The following PIGZ variants were observed in gnomAD, a reference collection of about 807,000 sequenced individuals.
The protein encoded by PIGZ is phosphatidylinositol glycan anchor biosynthesis class Z (Gwada blood group).
PIGZ carries 16 observed loss-of-function variants against 16.4 expected under a neutral mutation model. The ratio of observed to expected loss-of-function variants is 0.97; its 90% CI spans 0.66 to 1.48. PIGZ has a LOEUF of 1.48. PIGZ is among the 40% of genes most tolerant of loss of function. The pLI, the probability that PIGZ is intolerant of heterozygous loss-of-function variation, is 0.00. For synonymous variants in PIGZ, 409 were observed against 338.4 expected (o/e 1.21, Z -2.29); for missense variants, 770 against 739.2 (o/e 1.04, Z -0.48).
intron 1 of PIGZ, among the ~76,000 whole-genome samples, chr3:196,957,491 T>A (rs1717543370): frequency 6.6e-6 from 1 of 151,846 alleles, no homozygotes; most frequent in African/African-American, 2.4e-5. Flanking sequence ...CAAGCAATTC[T>A]CCTGCCTCAG....
chr3:196,948,072 C>G lies in PIGZ; in HGVS notation c.825G>C (p.Thr275=). 1 of 1,587,694 alleles carries G rather than the reference C, an allele frequency of 6.3e-7. No homozygotes were observed. Among genetic ancestry groups the G allele is most frequent in the Non-Finnish European group, 8.6e-7 (1 of 1,163,902 alleles). Residue 275 remains threonine (T), a synonymous_variant, in exon 3 of 3, where the codon ACG becomes ACC. Coordinates refer to ENST00000412723, the MANE Select transcript of PIGZ (RefSeq NM_025163.4). The stretch of plus-strand genomic sequence containing the variant: ...CGGGGCTGGAGAAATACCAGCTGTC[C>G]GTGGCCACAAACACCGCTGCTGTGA... ...AALTAAVFVA[T]DSWYFSSPAT...
rs146573075 is a variant in PIGZ at position 196,951,705 on chromosome 3, T to C, written c.211+116A>G. On this transcript the variant is annotated intron_variant, in intron 2 of 2. Transcript: ENST00000412723. The stretch of plus-strand genomic sequence containing the variant: ...CCAGAGAGAGAGGCTGCTGCTCTGC[T>C]TGTGGATTTACTACTCATCTACCCA... 1,709 of 958,776 alleles carry C rather than the reference T, an allele frequency of 1.8e-3. 3 individuals are homozygous for C. Among genetic ancestry groups the C allele is most frequent in the Middle Eastern group, 8.8e-3 (28 of 3,196 alleles). 59.4% of individuals were successfully genotyped at this position (958,776 alleles called of 1,614,324 possible).
In PIGZ at chr3:196,947,023, C is replaced by T. The variant is rs753566006; in HGVS notation, c.*134G>A. ...AAGGCAGAACAGCTAACAGCCATGC[C>T]CAGGAGAGGCAGCAGTGGGAGTCAT... On this transcript the variant is annotated 3_prime_UTR_variant, in exon 3 of 3. Coordinates refer to ENST00000412723, the MANE Select transcript of PIGZ (RefSeq NM_025163.4). The T allele has an allele frequency of 2.0e-4, 146 of 731,578 alleles. No individual in the cohort carries two copies. Among genetic ancestry groups the T allele is most frequent in the Non-Finnish European group, 2.8e-4 (131 of 460,844 alleles). The allele number at this position is 731,578 out of a possible 1,614,324, so 45.3% of individuals were successfully genotyped here.
rs1442082048 is a variant in PIGZ at position 196,965,659 on chromosome 3, G to A, written c.-1+3028C>T. Among the ~76,000 whole-genome samples, 1 of 152,118 alleles carries A rather than the reference G, an allele frequency of 6.6e-6. No homozygotes were observed. Among genetic ancestry groups the A allele is most frequent in the African/African-American group, 2.4e-5 (1 of 41,418 alleles). ...AGTCCAGGTATGCTGTGACTGGTGT[G>A]CATGTACCTGGGATTTCTTAGCCTT... On this transcript the variant is annotated intron_variant, in intron 1 of 2. Coordinates refer to ENST00000412723, the MANE Select transcript of PIGZ (RefSeq NM_025163.4). This position sits in a 1 kb window ranked among gnomAD's most constrained non-coding sequence, Gnocchi z 4.2.
At chr3:196,952,081 T>C (rs761214758) in intron 1 of PIGZ, 50 bp from the exon 2 acceptor site, 5 of 1,506,398 alleles carry the variant, frequency 3.3e-6, no homozygotes, top group Non-Finnish European at 4.5e-6. Flanking sequence ...TATAATATAT[T>C]CAACTGTCTG....
chr3:196,947,603 G>A lies in PIGZ; in HGVS notation c.1294C>T (p.Gln432Ter). 1 of 1,613,680 alleles carries A rather than the reference G, an allele frequency of 6.2e-7. No individual in the cohort carries two copies. Among genetic ancestry groups the A allele is most frequent in the Non-Finnish European group, 8.5e-7 (1 of 1,179,788 alleles). Reference sequence around the variant, plus strand: ...TCCAGGCCAGGCACCAGGCCCCCCTGATGCAGGCAGCCGAAGAGGAGGGCA... The same window carrying A: ...TCCAGGCCAGGCACCAGGCCCCCCTAATGCAGGCAGCCGAAGAGGAGGGCA... ...LGALLFGCLH[Q>*]GGLVPGLEYL... The change falls in exon 3 of 3, where the codon CAG becomes TAG. Residue 432 changes from glutamine (Q) to a stop codon, truncating the protein, a stop_gained. Coordinates refer to ENST00000412723, the MANE Select transcript of PIGZ (RefSeq NM_025163.4). LOFTEE classifies it high-confidence loss of function.
At chr3:196,966,229 C>T (rs1056878011) in intron 1 of PIGZ, among the ~76,000 whole-genome samples, 3 of 152,216 alleles carry the variant, frequency 2.0e-5, no homozygotes, top group African/African-American at 4.8e-5. Flanking sequence ...CGGTTCAAGT[C>T]GTTGCTCTCT....
chr3:196,949,049 TTCCCTTCCTTCC>T, intron 2 of PIGZ, among the ~76,000 whole-genome samples: 1 of 23,088 alleles, frequency 4.3e-5, no homozygotes, highest in Non-Finnish European at 6.5e-5. Flanking sequence ...CTTCCTTCCC[TTCCCTTCCTTCC>T]CCTTCCTTCG....
intron 2 of PIGZ, 155 bp downstream of exon 2, chr3:196,951,666 T>C: frequency 2.8e-6 from 2 of 708,438 alleles, no homozygotes; most frequent in Non-Finnish European, 4.8e-6. Context: ...AGTCCCCACT[T>C]CCAAGTTCTT....
At chr3:196,960,950 C>T (rs988345927) in intron 1 of PIGZ, among the ~76,000 whole-genome samples, 8 of 151,990 alleles carry the variant, frequency 5.3e-5, no homozygotes, top group East Asian at 1.9e-4. Flanking sequence ...AGTTCTGAGA[C>T]GGAAGTAGGA....
chr3:196,947,453 C>G lies in PIGZ; in HGVS notation c.1444G>C (p.Val482Leu). The G allele has an allele frequency of 6.2e-7, 1 of 1,613,618 alleles. No homozygotes were observed. The highest frequency in any genetic ancestry group is 2.2e-5 in the East Asian group (1 of 44,882). ...LLHLPGLGAP[V>L]EVVDMGGTED... ...GTCCCCCCCATGTCCACCACCTCCA[C>G]TGGTGCCCCCAGGCCTGGGAGGTGT... The change falls in exon 3 of 3, where the codon GTG becomes CTG. Residue 482 changes from valine to leucine, a missense_variant. Coordinates refer to ENST00000412723, the MANE Select transcript of PIGZ (RefSeq NM_025163.4).
intron 2 of PIGZ, among the ~76,000 whole-genome samples, chr3:196,949,019 CCCTTCCCTTCCTTCCCTTCCTT>C (rs1167073967): frequency 1.4e-4 from 9 of 62,390 alleles, no homozygotes; most frequent in African/African-American, 5.9e-4. Flanking sequence ...TCCCTCCCCT[CCCTTCCCTTCCTTCCCTTCCTT>C]CCTTCCCTTC....
In PIGZ at chr3:196,947,229, C is replaced by G. The variant is rs138574532; in HGVS notation, c.1668G>C (p.Leu556=). Residue 556 remains leucine (L), a synonymous_variant, in exon 3 of 3, where the codon CTG becomes CTC. Coordinates refer to ENST00000412723, the MANE Select transcript of PIGZ (RefSeq NM_025163.4). ...TCCAAGCCCCACTCAGCAAGGAGGACAGGGCTGGTGGATCCTCCAGGGTCA... is the reference window on the plus strand; with the variant it reads ...TCCAAGCCCCACTCAGCAAGGAGGAGAGGGCTGGTGGATCCTCCAGGGTCA... ...PHLTLEDPPA[L]SSLLSGAWRD... 40 of 1,608,182 alleles carry G rather than the reference C, an allele frequency of 2.5e-5. No homozygotes were observed. Among genetic ancestry groups the G allele is most frequent in the African/African-American group, 4.0e-5 (3 of 74,914 alleles).
In PIGZ at chr3:196,947,488, C is replaced by T. The variant is rs147904272; in HGVS notation, c.1409G>A (p.Arg470Gln). 32 of 1,613,330 alleles carry T rather than the reference C, an allele frequency of 2.0e-5. No homozygotes were observed. In the African/African-American group the frequency reaches 2.1e-4, roughly 11 times the overall value. The change falls in exon 3 of 3, where the codon CGG (arginine) becomes CAG (glutamine). Residue 470 changes from arginine to glutamine, a missense_variant. Coordinates refer to ENST00000412723, the MANE Select transcript of PIGZ (RefSeq NM_025163.4). ...CAGGCCTGGGAGGTGTAGGAGGTGC[C>T]GGGGGGGCATGTAGGTGTGAGTGAA... ...LLFTHTYMPP[R>Q]HLLHLPGLGA...
At chr3:196,958,525 G>A (rs966927572) in intron 1 of PIGZ, among the ~76,000 whole-genome samples, 6 of 152,238 alleles carry the variant, frequency 3.9e-5, no homozygotes, top group Non-Finnish European at 8.8e-5. Flanking sequence ...CAGCTACTGG[G>A]GAAGCTGAGG....
chr3:196,962,667 C>T (rs373116194), intron 1 of PIGZ, among the ~76,000 whole-genome samples: 1 of 131,192 alleles, frequency 7.6e-6, no homozygotes, highest in East Asian at 1.9e-4. Flanking sequence ...TACTGCACGG[C>T]AATACTGATC....
Position 196,947,868 on chromosome 3 carries a change from G to A in PIGZ, c.1029C>T (p.Val343=), listed in dbSNP as rs372509932. The A allele has an allele frequency of 2.8e-5, 45 of 1,613,766 alleles. No homozygotes were observed. Among genetic ancestry groups the A allele is most frequent in the Middle Eastern group, 3.3e-4 (2 of 6,080 alleles). ...ALQAAWQRLQ[V]GLQASAQMGL... is the part of the protein sequence containing the mutation. ...CCATTTGTGCAGAGGCCTGGAGGCCGACTTGCAGCCGTTGCCACGCAGCCT... is the reference window on the plus strand; with the variant it reads ...CCATTTGTGCAGAGGCCTGGAGGCCAACTTGCAGCCGTTGCCACGCAGCCT... The change falls in exon 3 of 3, where the codon GTC becomes GTT. Residue 343 remains valine (V), a synonymous_variant. Coordinates refer to ENST00000412723, the MANE Select transcript of PIGZ (RefSeq NM_025163.4).
intron 1 of PIGZ, among the ~76,000 whole-genome samples, chr3:196,966,326 T>G (rs1254709634): frequency 1.3e-5 from 2 of 152,248 alleles, no homozygotes; most frequent in Non-Finnish European, 2.9e-5. Context: ...TCAGGGCTGT[T>G]GTGAAGATGA....
rs200505525 is a variant in PIGZ at position 196,948,399 on chromosome 3, G to A, written c.498C>T (p.Tyr166=). ...WNALALLSGS[Y]VTLVFYTRTF... is the part of the protein sequence containing the mutation. The stretch of plus-strand genomic sequence containing the variant: ...TCCTTGTGTAGAAGACCAGGGTGAC[G>A]TAGGAACCAGACAGCAGGGCCAGGG... The change falls in exon 3 of 3, where the codon TAC becomes TAT. Residue 166 remains tyrosine (Y), a synonymous_variant. Transcript: ENST00000412723. 28 of 1,614,166 alleles carry A rather than the reference G, an allele frequency of 1.7e-5. No individual in the cohort carries two copies. The highest frequency in any genetic ancestry group is 5.3e-5 in the African/African-American group (4 of 75,046).
Sources: gnomAD v4.1 joint callset for allele counts (sites outside exome capture counted in the v4.1 genomes callset) on GRCh38, gnomAD v4.1.1 for gene constraint, Gnocchi (gnomAD v3.1) non-coding constraint, MANE v1.5 for transcripts, NCBI Gene and HGNC (gene_info 2026-07-23, HGNC 2026-07-21) for gene names.